Variants in ADRA1B observed in about 807,000 individuals in gnomAD.
ADRA1B encodes adrenoceptor alpha 1B.
A neutral mutation model predicts 17.9 loss-of-function variants in ADRA1B; 17 were observed. The observed-to-expected ratio is 0.95, with a 90% CI of 0.65 to 1.42. The LOEUF (loss-of-function observed/expected upper bound fraction) is 1.42, where lower values mean the gene tolerates loss of function less well. Ranked by LOEUF, ADRA1B falls within the 40% of genes most tolerant of loss-of-function variation. The pLI is 0.00. For missense variants in ADRA1B, 681 were observed against 722.1 expected, an observed-to-expected ratio of 0.94 and a Z score of 0.65; for synonymous variants, 366 against 327.6, an observed-to-expected ratio of 1.12 and a Z score of -1.27.
intron 1 of ADRA1B, among the ~76,000 whole-genome samples, chr5:159,899,196 AAG>A (rs1754068731): frequency 1.3e-5 from 2 of 149,846 alleles, no homozygotes; most frequent in Non-Finnish European, 3.0e-5. Context: ...AAAGAAAAGA[AAG>A]AATGGAAGAA....
At chr5:159,976,412 C>T (rs377706918), downstream of ADRA1B, among the ~76,000 whole-genome samples, 2 of 151,832 alleles carry the variant, frequency 1.3e-5, no homozygotes, top group African/African-American at 2.4e-5. Flanking sequence ...CCCAGCACTT[C>T]GGGAGGCTGG....
intron 1 of ADRA1B, among the ~76,000 whole-genome samples, chr5:159,921,367 G>C (rs6880081): frequency 7.2e-5 from 11 of 152,330 alleles, no homozygotes; most frequent in African/African-American, 2.6e-4. Flanking sequence ...GAATATAGCA[G>C]TATTTCTTAC....
At chr5:159,939,118 G>T (rs901335005) in intron 1 of ADRA1B, among the ~76,000 whole-genome samples, 1 of 152,124 alleles carries the variant, frequency 6.6e-6, no homozygotes, top group African/African-American at 2.4e-5. Context: ...TCAGCAAGGG[G>T]CAGTGTCCCC....
chr5:159,931,202 C>T (rs1754793395), intron 1 of ADRA1B, among the ~76,000 whole-genome samples: 1 of 122,080 alleles, frequency 8.2e-6, no homozygotes, highest in African/African-American at 3.1e-5. Flanking sequence ...CCAATCTGGG[C>T]AACATAGGGA....
intron 1 of ADRA1B, among the ~76,000 whole-genome samples, chr5:159,908,285 C>T (rs146801140): frequency 1.7e-3 from 261 of 152,294 alleles, no homozygotes; most frequent in African/African-American, 5.7e-3. Context: ...TCAGTTTTCT[C>T]ACCTGTAAAT....
chr5:159,971,855 T>TGGGGGGGGGGGGG, intron 1 of ADRA1B, 24 bp from the exon 2 acceptor site: 3 of 435,070 alleles, frequency 6.9e-6, no homozygotes, highest in Non-Finnish European at 7.2e-6. Context: ...TTTCTGCCCG[T>TGGGGGGGGGGGGG]GCCCACCCCC....
intron 1 of ADRA1B, among the ~76,000 whole-genome samples, chr5:159,971,441 TTC>T (rs1755863539): frequency 6.6e-6 from 1 of 152,338 alleles, no homozygotes; most frequent in East Asian, 1.9e-4. Flanking sequence ...TTAATACACC[TTC>T]TGTTTTCCAC....
chr5:159,921,071 A>G (rs889431802), intron 1 of ADRA1B, among the ~76,000 whole-genome samples: 2 of 152,046 alleles, frequency 1.3e-5, no homozygotes, highest in African/African-American at 4.8e-5. Flanking sequence ...TGCCCCCTAC[A>G]GGATCCTGTT....
At chr5:159,969,297 C>T (rs984616425) in intron 1 of ADRA1B, among the ~76,000 whole-genome samples, 2 of 152,122 alleles carry the variant, frequency 1.3e-5, no homozygotes, top group Non-Finnish European at 2.9e-5. Flanking sequence ...GCACCAGGAG[C>T]CCAGCCATTG....
intron 1 of ADRA1B, among the ~76,000 whole-genome samples, chr5:159,952,291 C>T (rs922082847): frequency 1.5e-4 from 23 of 152,004 alleles, no homozygotes; most frequent in Admixed American, 1.1e-3. Flanking sequence ...AAATTAGGCA[C>T]AGTATGAGGT....
Position 159,972,045 on chromosome 5 carries a change from CCGCCGACGCCGCCGCCGCCGT to C in ADRA1B, c.1121_1141del (p.Arg374_Arg380del), listed in dbSNP as rs1561612909. On this transcript the variant is annotated inframe_deletion, in exon 2 of 2. Transcript: ENST00000306675. ...GGTGCCAGTGCCGCGGCCGCGGCCG[CCGCCGACGCCGCCGCCGCCGT>C]CGCCTGGGCGGCTGCGCCTACACCT... is the stretch of plus-strand genomic sequence containing the variant. The C allele has an allele frequency of 1.5e-6, 2 of 1,356,046 alleles. No homozygotes were observed. The highest frequency in any genetic ancestry group is 3.0e-5 in the East Asian group (1 of 33,118). The allele number at this position is 1,356,046 out of a possible 1,614,324, so 84.0% of individuals were successfully genotyped here.
At chr5:159,899,271 G>GAAGGAAGGAAGA (rs1308022483) in intron 1 of ADRA1B, among the ~76,000 whole-genome samples, 5 of 116,142 alleles carry the variant, frequency 4.3e-5, no homozygotes, top group African/African-American at 1.7e-4. Context: ...AGAAAGGAAG[G>GAAGGAAGGAAGA]AAGGAAGGAA....
the ADRA1B span, among the ~76,000 whole-genome samples, chr5:159,983,056 T>C: frequency 4.6e-5 from 7 of 152,342 alleles, no homozygotes; most frequent in East Asian, 1.3e-3. Flanking sequence ...TCTTATGTAG[T>C]GCAGGGATTG....
At chr5:159,963,420 C>G (rs1755716707) in intron 1 of ADRA1B, among the ~76,000 whole-genome samples, 1 of 152,104 alleles carries the variant, frequency 6.6e-6, no homozygotes, top group African/African-American at 2.4e-5. Flanking sequence ...CCTACTAGCT[C>G]TGTGGCCTCG....
intron 1 of ADRA1B, among the ~76,000 whole-genome samples, chr5:159,945,694 G>T (rs997551247): frequency 6.6e-6 from 1 of 151,978 alleles, no homozygotes; most frequent in Admixed American, 6.6e-5. Flanking sequence ...AAATCATGGG[G>T]GGGTTTTGGA....
At chr5:159,955,398 AC>A (rs1437805270) in intron 1 of ADRA1B, among the ~76,000 whole-genome samples, 2 of 152,190 alleles carry the variant, frequency 1.3e-5, no homozygotes, top group African/African-American at 4.8e-5. Flanking sequence ...AAAGGACAGA[AC>A]AAAGGGATGA....
intron 1 of ADRA1B, chr5:159,865,301 T>C (rs1753639848): frequency 6.6e-6 from 1 of 152,212 alleles, no homozygotes; most frequent in African/African-American, 2.4e-5. Context: ...CACTTGTTTT[T>C]CACTGTTCCT....
At chr5:159,934,511 G>A (rs778515344) in intron 1 of ADRA1B, among the ~76,000 whole-genome samples, 1 of 151,910 alleles carries the variant, frequency 6.6e-6, no homozygotes, top group Non-Finnish European at 1.5e-5. Context: ...AGAAGGAATA[G>A]GGACTTGAAG....
rs143747487 is a variant in ADRA1B, at chr5:159,947,329, G to A, written c.950-24550G>A. Reference sequence around the variant, plus strand: ...CGCACTCTAGCCTGGGCAACAGAGCGAAACTCCATCTTAAAAAAAAAAGAA... The same window carrying A: ...CGCACTCTAGCCTGGGCAACAGAGCAAAACTCCATCTTAAAAAAAAAAGAA... On this transcript the variant is annotated intron_variant, in intron 1 of 1. Coordinates refer to ENST00000306675, the MANE Select transcript of ADRA1B (RefSeq NM_000679.4). Among the ~76,000 whole-genome samples, 33 of 151,824 alleles carry A rather than the reference G, an allele frequency of 2.2e-4. No individual in the cohort carries two copies. The East Asian group carries it at 5.4e-3, about 25-fold the overall frequency.
Sources: gnomAD v4.1 joint callset for allele counts (sites outside exome capture counted in the v4.1 genomes callset) on GRCh38, gnomAD v4.1.1 for gene constraint, MANE v1.5 for transcripts, NCBI Gene and HGNC (gene_info 2026-07-23, HGNC 2026-07-21) for gene names.